Variants in RYR2 observed in about 807,000 individuals in gnomAD.
RYR2 encodes the protein cardiac muscle ryanodine receptor-calcium release channel.
A neutral mutation model predicts 601.1 loss-of-function variants in RYR2; 227 were observed. The ratio of observed to expected loss-of-function variants is 0.38; its 90% CI spans 0.34 to 0.42. The LOEUF is 0.42. Among genes scored for constraint, RYR2 ranks in the 10% least tolerant of loss-of-function variants. The pLI is 1.00. For synonymous variants in RYR2, 2,223 were observed against 2,175.1 expected (o/e 1.02, Z -0.61); for missense variants, 4,646 against 6,156.5 (o/e 0.75, Z 8.21).
intron 62 of RYR2, 88 bp from the exon 63 acceptor site, chr1:237,687,367 T>TTTTTTTTTTTTTTTTTTTTTTTTTCC: frequency 4.0e-6 from 1 of 250,810 alleles, no homozygotes; most frequent in South Asian, 3.8e-5. Context: ...TTTCTTCTTC[T>TTTTTTTTTTTTTTTTTTTTTTTTTCC]TTTTTTTTTT....
Position 237,595,644 on chromosome 1 carries a change from G to C in RYR2, c.4583G>C (p.Ser1528Thr). 6.2e-7 allele frequency: 1 copy of C among 1,612,410 alleles called. No homozygotes were observed. Among genetic ancestry groups the C allele is most frequent in the Non-Finnish European group, 8.5e-7 (1 of 1,179,320 alleles). ...LTFIANGKEL[S>T]TYYQVEPSTK... ...TTCATTGCCAATGGCAAGGAACTGA[G>C]CACATACTATCAGGTACGCGGTCAG... Residue 1528 changes from serine to threonine, a missense_variant, in exon 34 of 105, where the codon AGC becomes ACC. Ser to Thr is a moderately conservative substitution (Grantham distance 58, BLOSUM62 1). Coordinates refer to ENST00000366574, the MANE Select transcript of RYR2 (RefSeq NM_001035.3).
intron 17 of RYR2, among the ~76,000 whole-genome samples, chr1:237,478,944 C>G (rs1479336132): frequency 1.3e-5 from 2 of 152,176 alleles, no homozygotes; most frequent in Admixed American, 1.3e-4. Context: ...GAATAACTCT[C>G]TCATGTAAAT....
chr1:237,566,378 A>C (rs565106072), intron 27 of RYR2, among the ~76,000 whole-genome samples, 189 bp from the exon 28 acceptor site: 8 of 152,208 alleles, frequency 5.3e-5, no homozygotes, highest in Non-Finnish European at 8.8e-5. Context: ...CTGGTCTGAC[A>C]GTGGCTGATC....
intron 35 of RYR2, among the ~76,000 whole-genome samples, chr1:237,609,085 A>C (rs1573091313): frequency 3.4e-5 from 4 of 118,288 alleles, no homozygotes; most frequent in Admixed American, 2.1e-4. Context: ...TGACAGTCTC[A>C]CTCTGTCACC....
At position 237,702,052 on chromosome 1, in the gene RYR2, G is replaced by A. The variant is rs876657994; in HGVS notation, c.9442G>A (p.Val3148Met). The stretch of plus-strand genomic sequence containing the variant: ...TTTGGGAACCAGCAAGAGTATTTAC[G>A]TGGAGAGGTAAGAATGTTTAAAGTT... ...YALGTSKSIY[V>M]ERQRSALGEC... Residue 3148 changes from valine (V) to methionine (M), a missense_variant, in exon 66 of 105, where the codon GTG (valine) becomes ATG (methionine). Physicochemically the swap from Val to Met is conservative, Grantham distance 21. Transcript: ENST00000366574. 2.7e-5 allele frequency: 42 copies of A among 1,580,422 alleles called. No individual in the cohort carries two copies. The highest frequency in any genetic ancestry group is 3.6e-5 in the Non-Finnish European group (41 of 1,150,180).
intron 1 of RYR2, among the ~76,000 whole-genome samples, chr1:237,146,250 C>T (rs566260749): frequency 2.0e-5 from 3 of 152,146 alleles, no homozygotes; most frequent in Admixed American, 6.5e-5. Flanking sequence ...AACCTTACTT[C>T]GTTGATTCCA....
chr1:237,369,718 ATGTTTG>A lies in RYR2; in HGVS notation c.384+115_384+120del. ...TCTGCAATGGTATTAATGAGCTTGG[ATGTTTG>A]TGTTCTTTCATATCTTTGTACCCTT... On this transcript the variant is annotated intron_variant, in intron 6 of 104. Coordinates refer to ENST00000366574, the MANE Select transcript of RYR2 (RefSeq NM_001035.3). 6 of 837,002 alleles carry A rather than the reference ATGTTTG, an allele frequency of 7.2e-6. No individual in the cohort carries two copies. In the South Asian group the frequency reaches 1.0e-4, roughly 14 times the overall value. 51.8% of individuals were successfully genotyped at this position (837,002 alleles called of 1,614,324 possible). A position where few individuals can be genotyped will look rare whatever the true frequency, so the allele number is the denominator to read the frequency against.
chr1:237,060,575 AC>A (rs1308887128), intron 1 of RYR2, among the ~76,000 whole-genome samples: 1 of 152,218 alleles, frequency 6.6e-6, no homozygotes, highest in African/African-American at 2.4e-5. Context: ...CCCAAGAGTT[AC>A]CTGCCTTTCC....
intron 10 of RYR2, among the ~76,000 whole-genome samples, chr1:237,406,479 G>C (rs2149972309): frequency 1.3e-5 from 2 of 151,620 alleles, no homozygotes; most frequent in Admixed American, 1.3e-4. Flanking sequence ...AAAGATAATA[G>C]TTCTTCATAT....
At chr1:237,153,498 CTG>C (rs532006367) in intron 1 of RYR2, among the ~76,000 whole-genome samples, 2 of 152,036 alleles carry the variant, frequency 1.3e-5, no homozygotes, top group Non-Finnish European at 2.9e-5. Context: ...TATAAAATAA[CTG>C]TGGTGCACTG....
intron 88 of RYR2, 93 bp downstream of exon 88, chr1:237,778,863 T>TATC: frequency 3.2e-6 from 2 of 633,822 alleles, no homozygotes; most frequent in Admixed American, 2.3e-5. Flanking sequence ...GTTAGAATAT[T>TATC]ATCTTTTTAA....
At chr1:237,598,882 C>T (rs545305968) in intron 34 of RYR2, among the ~76,000 whole-genome samples, 1 of 152,128 alleles carries the variant, frequency 6.6e-6, no homozygotes, top group East Asian at 1.9e-4. Context: ...AAGACAAAAT[C>T]AGTAAACCTT....
chr1:237,318,195 T>A (rs1432431377), intron 2 of RYR2, among the ~76,000 whole-genome samples: 1 of 152,120 alleles, frequency 6.6e-6, no homozygotes, highest in African/African-American at 2.4e-5. Flanking sequence ...TACTTCAGAA[T>A]AATACTCATT....
chr1:237,210,566 T>C (rs1237017610), intron 1 of RYR2, among the ~76,000 whole-genome samples: 1 of 152,166 alleles, frequency 6.6e-6, no homozygotes, highest in Non-Finnish European at 1.5e-5. Context: ...TGCTCCTGTT[T>C]TTTCTGTCTC....
chr1:237,740,247 G>C (rs1691494386), intron 79 of RYR2, among the ~76,000 whole-genome samples: 1 of 151,974 alleles, frequency 6.6e-6, no homozygotes. Context: ...TACCTTTTTT[G>C]TTTGTGTGAT....
At chr1:237,704,838 T>G (rs956864943) in intron 66 of RYR2, among the ~76,000 whole-genome samples, 1 of 152,040 alleles carries the variant, frequency 6.6e-6, no homozygotes, top group Non-Finnish European at 1.5e-5. Context: ...ATATAGATAT[T>G]TTAACATAAG....
intron 24 of RYR2, among the ~76,000 whole-genome samples, chr1:237,515,879 T>C: frequency 7.0e-6 from 1 of 143,384 alleles, no homozygotes; most frequent in African/African-American, 2.6e-5. Context: ...TTTTCCTTCC[T>C]CTTCTCCTCC....
intron 29 of RYR2, among the ~76,000 whole-genome samples, chr1:237,577,285 G>C (rs1338411471): frequency 6.6e-6 from 1 of 152,176 alleles, no homozygotes; most frequent in African/African-American, 2.4e-5. Flanking sequence ...AGTCCCAAAA[G>C]ATAACTATGG....
chr1:237,723,366 T>C (rs926694282), intron 74 of RYR2, 104 bp downstream of exon 74: 1 of 777,404 alleles, frequency 1.3e-6, no homozygotes. Context: ...GAAACATATA[T>C]GTTCAGCATA....
Sources: gnomAD v4.1 joint callset for allele counts (sites outside exome capture counted in the v4.1 genomes callset) on GRCh38, gnomAD v4.1.1 for gene constraint, MANE v1.5 for transcripts, NCBI Gene and HGNC (gene_info 2026-07-23, HGNC 2026-07-21) for gene names.